The following CNTNAP3 variants were observed in gnomAD, a reference collection of about 807,000 sequenced individuals.
CNTNAP3 encodes contactin associated protein family member 3, also known as contactin-associated protein-like 3.
In CNTNAP3, 36 loss-of-function variants were observed where a neutral mutation model predicts 92.1. That is an observed-to-expected ratio of 0.39 (90% CI 0.30 to 0.52). The LOEUF is 0.52. CNTNAP3 is among the 20% of genes least tolerant of loss of function. The pLI, the probability that CNTNAP3 is intolerant of heterozygous loss-of-function variation, is 0.76. For missense variants in CNTNAP3, 534 were observed against 1,069.6 expected (o/e 0.50, Z 6.98); for synonymous variants, 232 against 422.3 (o/e 0.55, Z 5.53).
chr9:39,153,854 T>C (rs1490116029), intron 9 of CNTNAP3, among the ~76,000 whole-genome samples: 1 of 145,114 alleles, frequency 6.9e-6, no homozygotes, highest in Non-Finnish European at 1.5e-5. Flanking sequence ...CCACCGCGTC[T>C]GGCCTAAACT....
At chr9:39,127,997 C>T (rs1040069247) in intron 13 of CNTNAP3, among the ~76,000 whole-genome samples, 1 of 152,048 alleles carries the variant, frequency 6.6e-6, no homozygotes, top group African/African-American at 2.4e-5. Flanking sequence ...CGCCACCACG[C>T]CCAACTAATT....
rs1234997060 is a variant in CNTNAP3 at position 39,135,962 on chromosome 9, T to C, written c.1877-2827A>G. 5.9e-5 allele frequency among the ~76,000 whole-genome samples: 9 copies of C among 151,876 alleles called. No individual in the cohort carries two copies. In the East Asian group the frequency reaches 1.4e-3, roughly 23 times the overall value. On this transcript the variant is annotated intron_variant, in intron 12 of 23. Transcript: ENST00000297668. ...GGCTAACATGGTAAAACCCTATCTC[T>C]ACTAAAAATACAAAAAATTAGCCGG...
intron 1 of CNTNAP3, among the ~76,000 whole-genome samples, chr9:39,273,136 GA>G: frequency 1.3e-5 from 1 of 77,054 alleles, no homozygotes; most frequent in Non-Finnish European, 3.2e-5. Context: ...GGGATGGAAA[GA>G]AGACTGTGTT....
intron 9 of CNTNAP3, among the ~76,000 whole-genome samples, chr9:39,150,974 T>G (rs1326191858): frequency 6.8e-6 from 1 of 148,046 alleles, no homozygotes; most frequent in Non-Finnish European, 1.5e-5. Context: ...ACTCCCACCC[T>G]CTGAGTTACA....
At chr9:39,090,177 G>C (rs1469781495) in intron 18 of CNTNAP3, among the ~76,000 whole-genome samples, 2 of 152,182 alleles carry the variant, frequency 1.3e-5, no homozygotes, top group Non-Finnish European at 2.9e-5. Context: ...CTGACCTCGT[G>C]ATCTGCCCAC....
In CNTNAP3 at chr9:39,067,591, T is replaced by C. The variant is rs1825537277; in HGVS notation, c.*6299A>G. Among the ~76,000 whole-genome samples the C allele has an allele frequency of 6.6e-6, 1 of 152,308 alleles. No homozygotes were observed. The highest frequency in any genetic ancestry group is 2.4e-5 in the African/African-American group (1 of 41,486). ...TTTTGTATGTTTAGTAGAGACGGGG[T>C]TTCCACCTTGTTAGCAGGATGGTCT... is the stretch of plus-strand genomic sequence containing the variant. On this transcript the variant is annotated 3_prime_UTR_variant, in exon 24 of 24. Coordinates refer to ENST00000297668, the MANE Select transcript of CNTNAP3 (RefSeq NM_033655.5).
At chr9:39,131,941 C>T (rs62570009) in intron 13 of CNTNAP3, among the ~76,000 whole-genome samples, 13,744 of 151,094 alleles carry the variant, frequency 0.091, 711 homozygotes, top group South Asian at 0.15. Flanking sequence ...CAGTCATACA[C>T]CACTTTCCAA....
chr9:39,089,579 C>T (rs1826143852), intron 18 of CNTNAP3, among the ~76,000 whole-genome samples: 1 of 151,916 alleles, frequency 6.6e-6, no homozygotes, highest in Admixed American at 6.6e-5. Context: ...GAATATATAC[C>T]TAGGAGTAAA....
At chr9:39,114,509 G>A (rs1434669274) in intron 14 of CNTNAP3, among the ~76,000 whole-genome samples, 2 of 152,116 alleles carry the variant, frequency 1.3e-5, no homozygotes, top group Non-Finnish European at 2.9e-5. Flanking sequence ...ATCTTTGTCT[G>A]ACATAATACA....
chr9:39,111,151 T>C (rs1379094136), intron 14 of CNTNAP3, among the ~76,000 whole-genome samples: 1 of 152,182 alleles, frequency 6.6e-6, no homozygotes, highest in Non-Finnish European at 1.5e-5. Context: ...GGGATATCCA[T>C]CACTTTGAGC....
chr9:39,137,510 GTTTT>G (rs1380826974), intron 12 of CNTNAP3, among the ~76,000 whole-genome samples: 9 of 151,778 alleles, frequency 5.9e-5, no homozygotes, highest in African/African-American at 1.7e-4. Flanking sequence ...GTTTTTGTTT[GTTTT>G]GTTTTTTGGT....
intron 18 of CNTNAP3, among the ~76,000 whole-genome samples, chr9:39,097,290 G>A (rs28839606): frequency 0.16 from 24,157 of 152,048 alleles, 2,748 homozygotes; most frequent in African/African-American, 0.32. Context: ...ACCAAGCTGT[G>A]TATTTTCATG....
intron 8 of CNTNAP3, among the ~76,000 whole-genome samples, chr9:39,170,359 C>A (rs550924229): frequency 2.0e-5 from 2 of 97,704 alleles, no homozygotes; most frequent in East Asian, 5.5e-4. Flanking sequence ...GTATGATTAC[C>A]CCCTGGTCTC....
At chr9:39,098,962 CT>C (rs1181639620) in intron 18 of CNTNAP3, among the ~76,000 whole-genome samples, 1 of 147,668 alleles carries the variant, frequency 6.8e-6, no homozygotes, top group Non-Finnish European at 1.5e-5. Flanking sequence ...AAATCAGTCC[CT>C]TTTTCCTTTT....
In CNTNAP3 at chr9:39,135,576, G is replaced by T. The variant is rs187175977; in HGVS notation, c.1877-2441C>A. On this transcript the variant is annotated intron_variant, in intron 12 of 23. Coordinates refer to ENST00000297668, the MANE Select transcript of CNTNAP3 (RefSeq NM_033655.5). ...TAAGCTAATTTAACTTCATGATTTT[G>T]ATTGGAATTAACAGTACAGATGTTC... Among the ~76,000 whole-genome samples the T allele has an allele frequency of 8.5e-5, 13 of 152,250 alleles. No individual in the cohort carries two copies. In the East Asian group the frequency reaches 1.9e-3, roughly 23 times the overall value.
chr9:39,106,166 G>T (rs912604710), intron 15 of CNTNAP3, among the ~76,000 whole-genome samples: 6 of 152,118 alleles, frequency 3.9e-5, no homozygotes, highest in African/African-American at 7.2e-5. Flanking sequence ...GAAGGGAAAA[G>T]AATCAATAAG....
chr9:39,131,956 A>C (rs1223193925), intron 13 of CNTNAP3, among the ~76,000 whole-genome samples: 2 of 151,428 alleles, frequency 1.3e-5, no homozygotes, highest in African/African-American at 4.9e-5. Context: ...TTCCAACTTA[A>C]AGATTTTGTA....
rs1440827881 is a variant in CNTNAP3 at position 39,217,400 on chromosome 9, A to ATATT, written c.390+21592_390+21593insAATA. Among the ~76,000 whole-genome samples, 7 of 19,904 alleles carry ATATT rather than the reference A, an allele frequency of 3.5e-4. 2 individuals are homozygous for ATATT. Among genetic ancestry groups the ATATT allele is most frequent in the African/African-American group, 5.7e-4 (7 of 12,218 alleles). 13.1% of individuals were successfully genotyped at this position (19,904 alleles called of 152,430 possible). ...TATATATATATATATATATATATATATTCATTGTGGGAATTTCAAATGGGA... is the reference window on the plus strand; with the variant it reads ...TATATATATATATATATATATATATATATTTTCATTGTGGGAATTTCAAATGGGA... On this transcript the variant is annotated intron_variant, in intron 3 of 23. Coordinates refer to ENST00000297668, the MANE Select transcript of CNTNAP3 (RefSeq NM_033655.5).
chr9:39,089,563 TCTTAGGAATATATA>T (rs1467433510), intron 18 of CNTNAP3, among the ~76,000 whole-genome samples: 1 of 152,202 alleles, frequency 6.6e-6, no homozygotes, highest in Non-Finnish European at 1.5e-5. Flanking sequence ...TTTTTATTTT[TCTTAGGAATATATA>T]CCTAGGAGTA....
Sources: allele counts gnomAD v4.1 joint callset (sites outside exome capture counted in the v4.1 genomes callset), GRCh38; gene constraint gnomAD v4.1.1; transcripts MANE v1.5; gene names NCBI Gene and HGNC (gene_info 2026-07-23, HGNC 2026-07-21).